Variants in CNTNAP2 observed in about 807,000 individuals in gnomAD.
CNTNAP2 encodes contactin associated protein 2.
A neutral mutation model predicts 155.2 loss-of-function variants in CNTNAP2; 98 were observed. That is an observed-to-expected ratio of 0.63 (90% CI 0.54 to 0.75). The LOEUF (loss-of-function observed/expected upper bound fraction) is 0.75, where lower values mean the gene tolerates loss of function less well. CNTNAP2 is among the 30% of genes least tolerant of loss of function. The probability of loss-of-function intolerance (pLI) is 0.00; values close to 1 mark genes in which losing one functional copy is unlikely to be tolerated. For missense variants in CNTNAP2, 1,727 were observed against 1,688.1 expected, an observed-to-expected ratio of 1.02 and a Z score of -0.40; for synonymous variants, 651 against 631.2, an observed-to-expected ratio of 1.03 and a Z score of -0.47.
At chr7:146,332,011 G>A (rs1165663094) in intron 1 of CNTNAP2, among the ~76,000 whole-genome samples, 4 of 151,744 alleles carry the variant, frequency 2.6e-5, no homozygotes, top group African/African-American at 7.3e-5. Context: ...TTATTACCAC[G>A]TACATATATA....
chr7:147,505,188 A>T (rs559157611), intron 11 of CNTNAP2, among the ~76,000 whole-genome samples: 2 of 152,174 alleles, frequency 1.3e-5, no homozygotes, highest in Non-Finnish European at 2.9e-5. Flanking sequence ...CTGATGTACA[A>T]ACCCAGAATA....
At chr7:146,473,324 G>A (rs1216300243) in intron 1 of CNTNAP2, among the ~76,000 whole-genome samples, 1 of 152,086 alleles carries the variant, frequency 6.6e-6, no homozygotes, top group Non-Finnish European at 1.5e-5. Context: ...TGATGTCTAG[G>A]CAGAATGTAT....
chr7:146,254,937 G>T (rs889888331), intron 1 of CNTNAP2, among the ~76,000 whole-genome samples: 1 of 151,816 alleles, frequency 6.6e-6, no homozygotes. Flanking sequence ...AAACAAATTG[G>T]AAACAATTTT....
At chr7:148,300,874 T>G (rs1047567953) in intron 21 of CNTNAP2, among the ~76,000 whole-genome samples, 1 of 150,288 alleles carries the variant, frequency 6.7e-6, no homozygotes, top group Non-Finnish European at 1.5e-5. Flanking sequence ...GGAGGGACAA[T>G]GGGGAGTTGT....
At chr7:148,124,307 A>G (rs10228263) in intron 16 of CNTNAP2, among the ~76,000 whole-genome samples, 80,636 of 152,070 alleles carry the variant, frequency 0.53, 23,796 homozygotes, top group African/African-American at 0.8. Flanking sequence ...ATGGCAAAGA[A>G]ATATTGTTCA....
chr7:147,294,006 G>A (rs1233990643), intron 8 of CNTNAP2, among the ~76,000 whole-genome samples: 1 of 152,142 alleles, frequency 6.6e-6, no homozygotes. Flanking sequence ...AGAAGGTACA[G>A]TTGAAACACT....
chr7:148,172,976 A>G (rs1794852852), intron 18 of CNTNAP2, among the ~76,000 whole-genome samples: 1 of 152,210 alleles, frequency 6.6e-6, no homozygotes, highest in Admixed American at 6.5e-5. Flanking sequence ...TAACATCATT[A>G]TTATTACTCT....
intron 13 of CNTNAP2, among the ~76,000 whole-genome samples, chr7:147,786,609 G>A (rs1273364675): frequency 1.3e-5 from 2 of 152,144 alleles, no homozygotes; most frequent in African/African-American, 4.8e-5. Flanking sequence ...AGTACAGAGT[G>A]GGAGGGAAGA....
chr7:147,463,101 G>A (rs1584962526), intron 10 of CNTNAP2, among the ~76,000 whole-genome samples: 1 of 152,316 alleles, frequency 6.6e-6, no homozygotes, highest in South Asian at 2.1e-4. Context: ...TGACATTTAT[G>A]AGATGAGATT....
At chr7:147,399,793 G>A (rs700311) in intron 10 of CNTNAP2, among the ~76,000 whole-genome samples, 45,917 of 151,940 alleles carry the variant, frequency 0.3, 7,886 homozygotes, top group Admixed American at 0.37. Context: ...GGTCTTTGGT[G>A]TCTTTAGTTA....
intron 22 of CNTNAP2, among the ~76,000 whole-genome samples, chr7:148,399,231 T>C (rs1042658509): frequency 1.3e-5 from 2 of 152,122 alleles, no homozygotes; most frequent in African/African-American, 2.4e-5. Flanking sequence ...ATTGCACCCA[T>C]GCAGCAGCAG....
chr7:147,660,180 GAT>G (rs142178482), intron 13 of CNTNAP2, among the ~76,000 whole-genome samples: 3,852 of 152,260 alleles, frequency 0.025, 74 homozygotes, highest in Middle Eastern at 0.099. Context: ...AAACTGTTTT[GAT>G]AAATAAAGCT....
chr7:146,697,978 C>G (rs1365218400), intron 1 of CNTNAP2, among the ~76,000 whole-genome samples: 1 of 152,010 alleles, frequency 6.6e-6, no homozygotes, highest in African/African-American at 2.4e-5. Flanking sequence ...TTAGAGATTA[C>G]CTTAGCGTTT....
intron 1 of CNTNAP2, 30 bp from the exon 2 acceptor site, chr7:146,774,241 T>G: frequency 6.6e-7 from 1 of 1,520,858 alleles, no homozygotes; most frequent in South Asian, 1.1e-5. Context: ...TTGTTGAGTG[T>G]CTCTCTCCCT....
chr7:146,862,293 G>A (rs2129205402), intron 3 of CNTNAP2, among the ~76,000 whole-genome samples: 1 of 152,008 alleles, frequency 6.6e-6, no homozygotes, highest in South Asian at 2.1e-4. Flanking sequence ...GTTCAATTTT[G>A]TAACATAAAA....
intron 3 of CNTNAP2, among the ~76,000 whole-genome samples, chr7:147,033,478 G>C (rs1799084673): frequency 6.6e-6 from 1 of 151,722 alleles, no homozygotes; most frequent in East Asian, 2.0e-4. Context: ...GTGTCTTTTT[G>C]AGTCAGTCTA....
intron 1 of CNTNAP2, among the ~76,000 whole-genome samples, chr7:146,207,774 T>C (rs557609394): frequency 6.0e-4 from 91 of 151,968 alleles, no homozygotes; most frequent in African/African-American, 2.1e-3. Flanking sequence ...CCCTTTGTTC[T>C]AAATAATAGA....
At chr7:146,745,868 G>A (rs1801802138) in intron 1 of CNTNAP2, among the ~76,000 whole-genome samples, 1 of 151,970 alleles carries the variant, frequency 6.6e-6, no homozygotes, top group Non-Finnish European at 1.5e-5. Flanking sequence ...TGCAGTCTAT[G>A]CCTTCTGCCA....
chr7:147,290,065 A>G (rs987857649), intron 8 of CNTNAP2, among the ~76,000 whole-genome samples: 15 of 152,180 alleles, frequency 9.9e-5, no homozygotes, highest in South Asian at 8.3e-4. Context: ...TGAATTGGCA[A>G]CTATTGAACC....
Sources: allele counts gnomAD v4.1 joint callset (sites outside exome capture counted in the v4.1 genomes callset), GRCh38; gene constraint gnomAD v4.1.1; transcripts MANE v1.5; gene names NCBI Gene and HGNC (gene_info 2026-07-23, HGNC 2026-07-21).